DLGAP2: variants seen among roughly 807,000 people sequenced by gnomAD.
The protein encoded by DLGAP2 is DLG associated protein 2.
Under a neutral mutation model 100.3 loss-of-function variants are expected in DLGAP2, and 26 were observed. The ratio of observed to expected loss-of-function variants is 0.26; its 90% CI spans 0.19 to 0.36. The LOEUF (loss-of-function observed/expected upper bound fraction) is 0.36, where lower values mean the gene tolerates loss of function less well. DLGAP2 is among the 10% of genes least tolerant of loss of function. The pLI is 1.00. For synonymous variants in DLGAP2, 886 were observed against 630.1 expected (o/e 1.41, Z -6.08); for missense variants, 1,858 against 1,453.2 (o/e 1.28, Z -4.53).
chr8:1,337,255 G>A (rs1424526927), intron 3 of DLGAP2, among the ~76,000 whole-genome samples: 3 of 121,578 alleles, frequency 2.5e-5, no homozygotes, highest in Non-Finnish European at 5.2e-5. Context: ...TGGTGATGAT[G>A]GTGGTGATGA....
intron 2 of DLGAP2, among the ~76,000 whole-genome samples, chr8:1,140,912 G>C (rs1796510174): frequency 6.6e-6 from 1 of 152,226 alleles, no homozygotes; most frequent in East Asian, 1.9e-4. Flanking sequence ...TGAACCGGGG[G>C]GTGGAGGTTG....
rs1269838603 is a variant in DLGAP2, at chr8:1,112,543, C to T, written c.74-146308C>T. On this transcript the variant is annotated intron_variant, in intron 2 of 14. Transcript: ENST00000637795. ...GCGTGAGCCACCGCGCCCGGGCGTC[C>T]TTTGCCCACTTTTTAATAGGGTTGT... Among the ~76,000 whole-genome samples, 5 of 152,288 alleles carry T rather than the reference C, an allele frequency of 3.3e-5. No individual in the cohort carries two copies. The South Asian group carries it at 1.0e-3, about 32-fold the overall frequency.
intron 2 of DLGAP2, among the ~76,000 whole-genome samples, chr8:1,254,281 G>A (rs964886703): frequency 6.6e-5 from 10 of 152,176 alleles, no homozygotes; most frequent in Admixed American, 2.0e-4. Flanking sequence ...CCAGGACTCC[G>A]CTCTGTCCCC....
intron 3 of DLGAP2, among the ~76,000 whole-genome samples, chr8:1,303,402 C>A (rs200159323): frequency 5.6e-5 from 7 of 125,336 alleles, no homozygotes; most frequent in Admixed American, 8.1e-5. Flanking sequence ...GTCTCAAAAA[C>A]AAAAAAAAAA....
intron 4 of DLGAP2, among the ~76,000 whole-genome samples, chr8:1,535,571 C>A (rs1422607454): frequency 6.6e-6 from 1 of 152,208 alleles, no homozygotes; most frequent in Non-Finnish European, 1.5e-5. Flanking sequence ...TGAACTCTTG[C>A]ATTGTTGGTA....
intron 2 of DLGAP2, among the ~76,000 whole-genome samples, chr8:1,023,855 A>ATGTGTGTGTGTGTGTGTGTGTGTGTGTG (rs1192338772): frequency 1.7e-5 from 1 of 59,274 alleles, no homozygotes; most frequent in Non-Finnish European, 4.1e-5. Context: ...CAAACTTTAT[A>ATGTGTGTGTGTGTGTGTGTGTGTGTGTG]TATGTGTGTG....
intron 3 of DLGAP2, among the ~76,000 whole-genome samples, chr8:1,452,172 G>C (rs906917438): frequency 1.3e-5 from 2 of 152,252 alleles, no homozygotes; most frequent in African/African-American, 4.8e-5. Flanking sequence ...GCATAGCCCC[G>C]TGGCTGGATG....
At position 1,549,713 on chromosome 8, in the gene DLGAP2, G is replaced by A. The variant is rs199755578; in HGVS notation, c.1230+30G>A. On this transcript the variant is annotated intron_variant, in intron 5 of 14. Coordinates refer to ENST00000637795, the MANE Select transcript of DLGAP2 (RefSeq NM_001346810.2). ...GCAGGCTCACGGCCCTGTGGAGGCC[G>A]TCTCGGCACAGCAGGTGGTATTGTC... The A allele has an allele frequency of 2.7e-5, 41 of 1,509,628 alleles. No homozygotes were observed. The African/African-American group carries it at 4.0e-4, about 15-fold the overall frequency. The allele number at this position is 1,509,628 out of a possible 1,614,324, so 93.5% of individuals were successfully genotyped here.
At chr8:1,627,635 A>G (rs1185181360) in intron 7 of DLGAP2, among the ~76,000 whole-genome samples, 3 of 152,252 alleles carry the variant, frequency 2.0e-5, no homozygotes, top group Admixed American at 6.5e-5. Flanking sequence ...GCTGACCTTG[A>G]GTTTGTATAC....
intron 6 of DLGAP2, among the ~76,000 whole-genome samples, chr8:1,602,270 A>G (rs1041533399): frequency 2.0e-5 from 3 of 152,188 alleles, no homozygotes; most frequent in African/African-American, 7.2e-5. Flanking sequence ...CTAATTAATG[A>G]CATTCTAGTA....
rs904926499 is a variant in DLGAP2, at chr8:1,676,575, C to T, written c.2245C>T (p.Arg749Trp). 5 of 1,613,432 alleles carry T rather than the reference C, an allele frequency of 3.1e-6. No individual in the cohort carries two copies. Among genetic ancestry groups the T allele is most frequent in the Admixed American group, 1.7e-5 (1 of 59,964 alleles). Reference sequence around the variant, plus strand: ...TTCTGACACGGAGAGCCGCGGTCTGCGGGAATACCACTCTGTCGGGGTGCA... The same window carrying T: ...TTCTGACACGGAGAGCCGCGGTCTGTGGGAATACCACTCTGTCGGGGTGCA... ...TDSDTESRGLREYHSVGVQVE... is the reference protein window; with the variant it reads ...TDSDTESRGLWEYHSVGVQVE... The change falls in exon 11 of 15, where the codon CGG (arginine) becomes TGG (tryptophan). Residue 749 changes from arginine (R) to tryptophan (W), a missense_variant. Arg to Trp is a moderately radical substitution (Grantham distance 101). Transcript: ENST00000637795.
chr8:901,292 A>T (rs543619236), intron 1 of DLGAP2, among the ~76,000 whole-genome samples: 43 of 152,332 alleles, frequency 2.8e-4, no homozygotes, highest in African/African-American at 1.0e-3. Flanking sequence ...ACCCTGTCTC[A>T]TACAAAAAGT....
Position 1,194,714 on chromosome 8 carries a change from G to A in DLGAP2, c.74-64137G>A, listed in dbSNP as rs987774191. Among the ~76,000 whole-genome samples, 5 of 152,320 alleles carry A rather than the reference G, an allele frequency of 3.3e-5. No individual in the cohort carries two copies. The East Asian group carries it at 7.7e-4, about 24-fold the overall frequency. ...TCCCGGAGCTGCTTCAGGTGTCCTG[G>A]GCGGCTGTGGAGAGTCCCTGGGCCC... On this transcript the variant is annotated intron_variant, in intron 2 of 14. Coordinates refer to ENST00000637795, the MANE Select transcript of DLGAP2 (RefSeq NM_001346810.2).
intron 3 of DLGAP2, among the ~76,000 whole-genome samples, chr8:1,331,441 C>T (rs542184911): frequency 1.3e-5 from 2 of 152,148 alleles, no homozygotes; most frequent in East Asian, 3.9e-4. Context: ...ACCTGCCCTC[C>T]TTCCAGGCAC....
At chr8:1,347,441 T>A (rs899082525) in intron 3 of DLGAP2, among the ~76,000 whole-genome samples, 6 of 151,830 alleles carry the variant, frequency 4.0e-5, no homozygotes, top group African/African-American at 1.5e-4. Flanking sequence ...ATGGCAACTA[T>A]GTGGAAGTTG....
At chr8:803,082 C>T (rs1162446633) in intron 1 of DLGAP2, among the ~76,000 whole-genome samples, 3 of 152,176 alleles carry the variant, frequency 2.0e-5, no homozygotes, top group African/African-American at 7.2e-5. Flanking sequence ...CGGGCTTGGA[C>T]GCTGGTGGCG....
At chr8:1,003,698 G>A (rs1033131493) in intron 2 of DLGAP2, among the ~76,000 whole-genome samples, 1 of 152,174 alleles carries the variant, frequency 6.6e-6, no homozygotes, top group African/African-American at 2.4e-5. Flanking sequence ...AGGGCAGGTG[G>A]GGCTGGCTGT....
chr8:1,598,182 GTTGAACCAGCC>G (rs1796518259), intron 6 of DLGAP2, among the ~76,000 whole-genome samples: 2 of 152,208 alleles, frequency 1.3e-5, no homozygotes, highest in East Asian at 3.9e-4. Context: ...ATTTGCATAT[GTTGAACCAGCC>G]TTGCATCCCA....
At chr8:1,076,840 G>T (rs1256765157) in intron 2 of DLGAP2, among the ~76,000 whole-genome samples, 1 of 149,870 alleles carries the variant, frequency 6.7e-6, no homozygotes, top group African/African-American at 2.5e-5. Flanking sequence ...AAGACCAAGA[G>T]GGGGAGGAGG....
Sources: gnomAD v4.1 joint callset for allele counts (sites outside exome capture counted in the v4.1 genomes callset) on GRCh38, gnomAD v4.1.1 for gene constraint, MANE v1.5 for transcripts, NCBI Gene and HGNC (gene_info 2026-07-23, HGNC 2026-07-21) for gene names.